The following ELF1 variants were observed in gnomAD, a reference collection of about 807,000 sequenced individuals.
The protein encoded by ELF1 is ETS-related transcription factor Elf-1.
ELF1 carries 24 observed loss-of-function variants against 59.9 expected under a neutral mutation model. That is an observed-to-expected ratio of 0.40 (90% CI 0.29 to 0.56). The LOEUF (loss-of-function observed/expected upper bound fraction) is 0.56, where lower values mean the gene tolerates loss of function less well. Among genes scored for constraint, ELF1 ranks in the 20% least tolerant of loss-of-function variants. The pLI is 0.44. For missense variants in ELF1, 627 were observed against 742.2 expected, an observed-to-expected ratio of 0.84 and a Z score of 1.80; for synonymous variants, 248 against 266.2, an observed-to-expected ratio of 0.93 and a Z score of 0.67.
At chr13:40,959,454 C>T (rs1334184275) in intron 2 of ELF1, among the ~76,000 whole-genome samples, 1 of 152,094 alleles carries the variant, frequency 6.6e-6, no homozygotes, top group Non-Finnish European at 1.5e-5. Flanking sequence ...CGAGATCGCA[C>T]CACTGCACTC....
At chr13:40,970,658 C>T (rs1872482126) in intron 2 of ELF1, among the ~76,000 whole-genome samples, 1 of 152,200 alleles carries the variant, frequency 6.6e-6, no homozygotes, top group Admixed American at 6.5e-5. Context: ...GCCAAGAAAA[C>T]ATACTTGTCT....
At chr13:40,955,998 G>A (rs1434476575) in intron 3 of ELF1, among the ~76,000 whole-genome samples, 1 of 144,494 alleles carries the variant, frequency 6.9e-6, no homozygotes, top group East Asian at 2.0e-4. Flanking sequence ...GGAGGTGAGG[G>A]GCGCCTCTGC....
intron 2 of ELF1, among the ~76,000 whole-genome samples, chr13:40,971,322 A>G (rs568205863): frequency 1.3e-5 from 2 of 152,228 alleles, no homozygotes; most frequent in African/African-American, 4.8e-5. Flanking sequence ...CAGTGGCAAG[A>G]TCACAACTCA....
At chr13:41,052,918 A>G (rs918685718) in intron 1 of ELF1, among the ~76,000 whole-genome samples, 5 of 152,200 alleles carry the variant, frequency 3.3e-5, no homozygotes, top group Non-Finnish European at 7.3e-5. Context: ...AATGTGAGAC[A>G]TATGTGTTAG....
rs56223839 is a variant in ELF1 at position 41,038,686 on chromosome 13, T to C, written c.-229+22152A>G. On this transcript the variant is annotated intron_variant, in intron 1 of 1. Coordinates refer to the ELF1 transcript ENST00000405737. Reference sequence around the variant, plus strand: ...GACATTTAAATGTAAAAGTATGGAATAAAATATGGATAAACATTTATACAC... The same window carrying C: ...GACATTTAAATGTAAAAGTATGGAACAAAATATGGATAAACATTTATACAC... Among the ~76,000 whole-genome samples, 1,498 of 152,280 alleles carry C rather than the reference T, an allele frequency of 9.8e-3. 24 individuals carry two copies. Among genetic ancestry groups the C allele is most frequent in the African/African-American group, 0.035 (1,438 of 41,544 alleles).
intron 1 of ELF1, among the ~76,000 whole-genome samples, chr13:41,018,104 C>T (rs184040087): frequency 1.3e-5 from 2 of 152,312 alleles, no homozygotes; most frequent in South Asian, 2.1e-4. Context: ...AAAGAACTAG[C>T]TAAATATCAT....
At chr13:40,953,491 C>T (rs1870994015) in intron 3 of ELF1, among the ~76,000 whole-genome samples, 1 of 152,128 alleles carries the variant, frequency 6.6e-6, no homozygotes, top group African/African-American at 2.4e-5. Context: ...TGTGAAGACA[C>T]TGGAAGACAA....
intron 1 of ELF1, among the ~76,000 whole-genome samples, chr13:40,986,571 C>T (rs1307004869): frequency 6.6e-6 from 1 of 152,174 alleles, no homozygotes; most frequent in Non-Finnish European, 1.5e-5. Flanking sequence ...AGCCCATTGT[C>T]AACAAAACTG....
chr13:40,937,629 C>T (rs1380974530), intron 8 of ELF1, among the ~76,000 whole-genome samples: 1 of 152,042 alleles, frequency 6.6e-6, no homozygotes, highest in East Asian at 1.9e-4. Context: ...GCCACTACGC[C>T]TAGCTAATTT....
chr13:40,933,851 T>G lies in ELF1; in HGVS notation c.1434A>C (p.Thr478=). 2 of 1,614,258 alleles carry G rather than the reference T, an allele frequency of 1.2e-6. No homozygotes were observed. The highest frequency in any genetic ancestry group is 1.3e-5 in the African/African-American group (1 of 75,070). Residue 478 remains threonine, a synonymous_variant, in exon 9 of 9, where the codon ACA becomes ACC. Transcript: ENST00000239882. ...LQAIPSSQPM[T]VLKENVMLQS... ...GCAGCATGACATTTTCTTTCAGTAC[T>G]GTCATGGGCTGTGATGATGGAATGG...
intron 1 of ELF1, among the ~76,000 whole-genome samples, chr13:41,025,581 G>A (rs547415414): frequency 3.0e-4 from 45 of 152,326 alleles, no homozygotes; most frequent in African/African-American, 1.0e-3. Context: ...TAAGAGGTCT[G>A]TACAAAGTGA....
chr13:41,013,542 T>C lies in ELF1; in HGVS notation c.-229+5686A>G, dbSNP rs117650463. On this transcript the variant is annotated intron_variant, in intron 1 of 8. Coordinates refer to ENST00000239882, the MANE Select transcript of ELF1 (RefSeq NM_172373.4). Reference sequence around the variant, plus strand: ...GAAAAGATTATCGCAAAAGTCAGCATAGTAGTTATTTTTTAAAGGAAACAA... The same window carrying C: ...GAAAAGATTATCGCAAAAGTCAGCACAGTAGTTATTTTTTAAAGGAAACAA... Among the ~76,000 whole-genome samples the C allele has an allele frequency of 2.7e-3, 412 of 152,276 alleles. 2 individuals are homozygous for C. The highest frequency in any genetic ancestry group is 4.6e-3 in the South Asian group (22 of 4,830).
rs763000913 is a variant in ELF1 at position 40,949,867 on chromosome 13, C to T, written c.468G>A (p.Val156=). Residue 156 remains valine (V), a synonymous_variant, in exon 5 of 9, where the codon GTG becomes GTA. Transcript: ENST00000239882. ...CCGGTGAGTCTGCATATTTTTCTTG[C>T]ACCTGCTGTGTTTCCATCACTTCAG... ...GIPEVMETQQ[V]QEKYADSPGA... 1 of 1,614,148 alleles carries T rather than the reference C, an allele frequency of 6.2e-7. No individual in the cohort carries two copies. Among genetic ancestry groups the T allele is most frequent in the South Asian group, 1.1e-5 (1 of 91,084 alleles).
chr13:40,957,930 A>G (rs546275126), intron 3 of ELF1, among the ~76,000 whole-genome samples: 93 of 152,350 alleles, frequency 6.1e-4, no homozygotes, highest in African/African-American at 2.2e-3. Flanking sequence ...ATTCAGTTCT[A>G]AGGCATTGTG....
At chr13:40,946,727 T>G (rs536829518) in intron 5 of ELF1, among the ~76,000 whole-genome samples, 31 of 152,114 alleles carry the variant, frequency 2.0e-4, no homozygotes, top group Non-Finnish European at 4.3e-4. Flanking sequence ...TGGCCAGGCA[T>G]GGTGGCTCAC....
chr13:40,981,579 T>C (rs908721936), intron 2 of ELF1, among the ~76,000 whole-genome samples: 3 of 152,132 alleles, frequency 2.0e-5, no homozygotes, highest in African/African-American at 7.2e-5. Context: ...GATGTATGAT[T>C]ATGGGACCGC....
In ELF1 at chr13:40,950,261, C is replaced by T. The variant is rs141976428; in HGVS notation, c.362-288G>A. On this transcript the variant is annotated intron_variant, in intron 4 of 8. Coordinates refer to ENST00000239882, the MANE Select transcript of ELF1 (RefSeq NM_172373.4). ...GAGAGTTATTTTCTGAAACCTAAGT[C>T]TGACCTGACCATAAAATTAGGGGAA... Among the ~76,000 whole-genome samples the T allele has an allele frequency of 5.7e-3, 871 of 152,260 alleles. 8 individuals are homozygous for T. Among genetic ancestry groups the T allele is most frequent in the South Asian group, 0.014 (69 of 4,824 alleles).
chr13:40,984,719 C>G (rs1000683302), intron 1 of ELF1, among the ~76,000 whole-genome samples: 18 of 152,158 alleles, frequency 1.2e-4, no homozygotes, highest in African/African-American at 3.9e-4. Flanking sequence ...GGGATGTTTG[C>G]TGATACAGAA....
At chr13:41,036,445 A>T (rs1038807304) in intron 1 of ELF1, among the ~76,000 whole-genome samples, 1 of 152,222 alleles carries the variant, frequency 6.6e-6, no homozygotes, top group African/African-American at 2.4e-5. Flanking sequence ...CAAATCATTG[A>T]CACAAATGAC....
Sources: allele counts gnomAD v4.1 joint callset (sites outside exome capture counted in the v4.1 genomes callset), GRCh38; gene constraint gnomAD v4.1.1; transcripts MANE v1.5; gene names NCBI Gene and HGNC (gene_info 2026-07-23, HGNC 2026-07-21).